The following RBM12B variants were observed in gnomAD, a reference collection of about 807,000 sequenced individuals.
RBM12B encodes RNA-binding protein 12B.
A neutral mutation model predicts 34.3 loss-of-function variants in RBM12B; 10 were observed. The ratio of observed to expected loss-of-function variants is 0.29; its 90% CI spans 0.18 to 0.49. The LOEUF (loss-of-function observed/expected upper bound fraction) is 0.49, where lower values mean the gene tolerates loss of function less well. Ranked by LOEUF, RBM12B falls within the 20% of genes least tolerant of loss-of-function variation. The pLI is 0.99. For missense variants in RBM12B, 1,139 were observed against 1,262.7 expected (o/e 0.90, Z 1.48); for synonymous variants, 477 against 437.1 (o/e 1.09, Z -1.14).
rs542494476 is a variant in RBM12B, at chr8:93,734,018, G to A, written c.2393C>T (p.Ser798Phe). The change falls in exon 4 of 4, where the codon TCC (serine) becomes TTC (phenylalanine). Residue 798 changes from serine (S) to phenylalanine (F), a missense_variant. Coordinates refer to ENST00000520560, the MANE Select transcript of RBM12B (RefSeq NM_001377960.1). ...TGGGTGCCTGAAATCTTCCTCTCGG[G>A]AGCGCCTGAAATGCTCCTGAGGCGG... is the stretch of plus-strand genomic sequence containing the variant. ...RRPPQEHFRR[S>F]REEDFRHPPD... The A allele has an allele frequency of 6.2e-6, 10 of 1,607,944 alleles. No individual in the cohort carries two copies. The South Asian group carries it at 8.8e-5, about 14-fold the overall frequency.
chr8:93,736,541 T>A, intron 3 of RBM12B, 103 bp from the exon 4 acceptor site: 1 of 886,702 alleles, frequency 1.1e-6, no homozygotes, highest in Middle Eastern at 2.4e-4. Context: ...TCAACATTTA[T>A]AAATGAAAAC....
Position 93,734,863 on chromosome 8 carries a change from T to G in RBM12B, c.1548A>C (p.Pro516=). The change falls in exon 4 of 4, where the codon CCA becomes CCC. Residue 516 remains proline (P), a synonymous_variant. Coordinates refer to ENST00000520560, the MANE Select transcript of RBM12B (RefSeq NM_001377960.1). ...CAAAAGCACCAACTGAGTATATTGGTGGGTCTTTTGAGTCAAATAAATGGG... is the reference window on the plus strand; with the variant it reads ...CAAAAGCACCAACTGAGTATATTGGGGGGTCTTTTGAGTCAAATAAATGGG... The part of the protein sequence containing the change: ...DHSHLFDSKD[P]PIYSVGAFEN... 6.2e-7 allele frequency: 1 copy of G among 1,614,110 alleles called. No individual in the cohort carries two copies. Among genetic ancestry groups the G allele is most frequent in the Non-Finnish European group, 8.5e-7 (1 of 1,180,006 alleles).
chr8:93,734,906 C>T lies in RBM12B; in HGVS notation c.1505G>A (p.Arg502His), dbSNP rs773688979. Residue 502 changes from arginine (R) to histidine (H), a missense_variant, in exon 4 of 4, where the codon CGT becomes CAT. Arg to His is a conservative substitution (Grantham distance 29, BLOSUM62 0). Transcript: ENST00000520560. ...SEKMQARSQS[R>H]ERGDHSHLFD... ...TAAATGGGAATGGTCACCTCGCTCA[C>T]GTGACTGTGAGCGAGCTTGCATTTT... 25 of 1,613,924 alleles carry T rather than the reference C, an allele frequency of 1.5e-5. No individual in the cohort carries two copies. Among genetic ancestry groups the T allele is most frequent in the Admixed American group, 3.3e-5 (2 of 59,994 alleles).
At position 93,729,221 on chromosome 8, in the gene RBM12B, CAG is replaced by C. The variant is rs1811688840; in HGVS notation, c.*4182_*4183del. ...AATTAGAAAATGCAATTATTCATAA[CAG>C]AAAAATAAAGACTTTCTAGAAAGCT... On this transcript the variant is annotated 3_prime_UTR_variant, in exon 4 of 4. Transcript: ENST00000520560. 1 of 152,118 alleles carries C rather than the reference CAG, an allele frequency of 6.6e-6. No individual in the cohort carries two copies. Among genetic ancestry groups the C allele is most frequent in the East Asian group, 1.9e-4 (1 of 5,188 alleles). The allele number at this position is 152,118 out of a possible 1,614,324, so 9.4% of individuals were successfully genotyped here. A position where few individuals can be genotyped will look rare whatever the true frequency, so the allele number is the denominator to read the frequency against.
rs200436794 is a variant in RBM12B at position 93,735,238 on chromosome 8, A to T, written c.1173T>A (p.Ser391=). The change falls in exon 4 of 4, where the codon TCT becomes TCA. Residue 391 remains serine, a synonymous_variant. Coordinates refer to ENST00000520560, the MANE Select transcript of RBM12B (RefSeq NM_001377960.1). ...GTTTCTGGCCAGAGTTACCTTCTTG[A>T]GAGTATTTTTGTGAAACATGTCCGG... ...DRPGHVSQKY[S]QEGNSGQKLC... 1.9e-5 allele frequency: 30 copies of T among 1,614,046 alleles called. No homozygotes were observed. Among genetic ancestry groups the T allele is most frequent in the Admixed American group, 6.7e-5 (4 of 60,014 alleles).
In RBM12B at chr8:93,734,403, G is replaced by A. The variant is rs768982647; in HGVS notation, c.2008C>T (p.Pro670Ser). ...GGCCGTCTCCAGTCCTCCTCAGGTG[G>A]CCGCCTGAAATCTTCCTCTGGGAGC... Reference protein sequence around the residue: ...RWLPEEDFRRPPEEDWRRPPE... With the variant: ...RWLPEEDFRRSPEEDWRRPPE... The change falls in exon 4 of 4, where the codon CCA (proline) becomes TCA (serine). Residue 670 changes from proline to serine, a missense_variant. By Grantham distance (74) the Pro-to-Ser change is moderately conservative. Transcript: ENST00000520560. 1 of 1,613,252 alleles carries A rather than the reference G, an allele frequency of 6.2e-7. No homozygotes were observed. Among genetic ancestry groups the A allele is most frequent in the South Asian group, 1.1e-5 (1 of 91,028 alleles).
rs1586312774 is a variant in RBM12B, at chr8:93,735,718, T to C, written c.693A>G (p.Gln231=). Residue 231 remains glutamine (Q), a synonymous_variant, in exon 4 of 4, where the codon CAA becomes CAG. Coordinates refer to ENST00000520560, the MANE Select transcript of RBM12B (RefSeq NM_001377960.1). ...CATTACCACCAAACTCAATCCACTG[T>C]TGTTCTGATCCTTGCATTACTTCTA... ...RFIEVMQGSE[Q]QWIEFGGNAV... is the part of the protein sequence containing the mutation. The C allele has an allele frequency of 6.2e-7, 1 of 1,614,192 alleles. No homozygotes were observed. The highest frequency in any genetic ancestry group is 1.1e-5 in the South Asian group (1 of 91,080).
chr8:93,739,447 T>A (rs1176551897), intron 2 of RBM12B, among the ~76,000 whole-genome samples: 1 of 152,228 alleles, frequency 6.6e-6, no homozygotes, highest in Non-Finnish European at 1.5e-5. Context: ...ACAAAACTAA[T>A]GCTTAAACTT....
chr8:93,739,728 A>T (rs1473531071), intron 2 of RBM12B, among the ~76,000 whole-genome samples: 1 of 152,224 alleles, frequency 6.6e-6, no homozygotes, highest in Non-Finnish European at 1.5e-5. Context: ...CTTTGTGTTC[A>T]TTTGAAGACA....
In RBM12B at chr8:93,734,218, G is replaced by T. The variant is rs1239669406; in HGVS notation, c.2193C>A (p.Phe731Leu). The T allele has an allele frequency of 6.3e-7, 1 of 1,597,518 alleles. No homozygotes were observed. Among genetic ancestry groups the T allele is most frequent in the Non-Finnish European group, 8.5e-7 (1 of 1,170,744 alleles). ...GGAAATGCTCTGGGGGTGGCCGACG[G>T]AAATGCTCCTGAGGTGGCCTCCGGA... is the stretch of plus-strand genomic sequence containing the variant. ...EHFRRPPQEH[F>L]RRPPPEHFRR... The change falls in exon 4 of 4, where the codon TTC becomes TTA. Residue 731 changes from phenylalanine (F) to leucine (L), a missense_variant. Coordinates refer to ENST00000520560, the MANE Select transcript of RBM12B (RefSeq NM_001377960.1).
At position 93,732,297 on chromosome 8, in the gene RBM12B, ATAT is replaced by A. The variant is rs1482068095; in HGVS notation, c.*1105_*1107del. 6 of 152,362 alleles carry A rather than the reference ATAT, an allele frequency of 3.9e-5. No homozygotes were observed. In the East Asian group the frequency reaches 5.8e-4, roughly 15 times the overall value. 9.4% of individuals were successfully genotyped at this position (152,362 alleles called of 1,614,324 possible). A position where few individuals can be genotyped will look rare whatever the true frequency, so the allele number is the denominator to read the frequency against. ...AGTGCCTAATAAATGTTAGCCATAA[ATAT>A]TATTGTGGGTATAGAAAATCAAATT... is the stretch of plus-strand genomic sequence containing the variant. On this transcript the variant is annotated 3_prime_UTR_variant, in exon 4 of 4. Coordinates refer to ENST00000520560, the MANE Select transcript of RBM12B (RefSeq NM_001377960.1).
Position 93,733,586 on chromosome 8 carries a change from A to G in RBM12B, c.2825T>C (p.Leu942Ser), listed in dbSNP as rs1811866102. ...GATTCTGTAACCATGGAAAAAGTCT[A>G]AAATTTCATTCACATTAGCTTTAAA... ...LPFKANVNEI[L>S]DFFHGYRIIP... is the part of the protein sequence containing the mutation. Residue 942 changes from leucine to serine, a missense_variant, in exon 4 of 4, where the codon TTA becomes TCA. Leu to Ser is a moderately radical substitution (Grantham distance 145). This residue lies in a region of RBM12B where 60 missense variants were observed against 101.0 expected (regional missense o/e 0.59). Coordinates refer to ENST00000520560, the MANE Select transcript of RBM12B (RefSeq NM_001377960.1). 1 of 1,613,466 alleles carries G rather than the reference A, an allele frequency of 6.2e-7. No homozygotes were observed. Among genetic ancestry groups the G allele is most frequent in the Non-Finnish European group, 8.5e-7 (1 of 1,179,602 alleles).
chr8:93,736,165 A>G lies in RBM12B; in HGVS notation c.246T>C (p.Thr82=), dbSNP rs1812015445. 3 of 1,614,204 alleles carry G rather than the reference A, an allele frequency of 1.9e-6. No individual in the cohort carries two copies. The highest frequency in any genetic ancestry group is 2.5e-6 in the Non-Finnish European group (3 of 1,180,034). The part of the protein sequence containing the change: ...FLSSKAEMQK[T]IEMKRTDRVG... Reference sequence around the variant, plus strand: ...CACGATCAGTTCTTTTCATTTCTATAGTCTTCTGCATTTCTGCCTTGCTAC... The same window carrying G: ...CACGATCAGTTCTTTTCATTTCTATGGTCTTCTGCATTTCTGCCTTGCTAC... The change falls in exon 4 of 4, where the codon ACT becomes ACC. Residue 82 remains threonine (T), a synonymous_variant. Coordinates refer to ENST00000520560, the MANE Select transcript of RBM12B (RefSeq NM_001377960.1).
rs765654870 is a variant in RBM12B, at chr8:93,736,059, T to C, written c.352A>G (p.Ser118Gly). The C allele has an allele frequency of 1.6e-5, 26 of 1,614,106 alleles. No homozygotes were observed. Among genetic ancestry groups the C allele is most frequent in the Non-Finnish European group, 2.1e-5 (25 of 1,180,050 alleles). Residue 118 changes from serine to glycine, a missense_variant, in exon 4 of 4, where the codon AGT (serine) becomes GGT (glycine). By Grantham distance (56) the Ser-to-Gly change is moderately conservative (BLOSUM62 0). This residue lies in a region of RBM12B where 216 missense variants were observed against 292.2 expected (regional missense o/e 0.74). Transcript: ENST00000520560. ...ATTGAAGAGCCATATCCAGAATTAC[T>C]TGCTTCTTCCTTAACAGACTCAATA... ...NFIESVKEEA[S>G]NSGYGSSINQ...
chr8:93,733,533 T>C lies in RBM12B; in HGVS notation c.2878A>G (p.Asn960Asp), dbSNP rs754758718. Residue 960 changes from asparagine (N) to aspartate (D), a missense_variant, in exon 4 of 4, where the codon AAT (asparagine) becomes GAT (aspartate). By Grantham distance (23) the Asn-to-Asp change is conservative (BLOSUM62 1). Coordinates refer to ENST00000520560, the MANE Select transcript of RBM12B (RefSeq NM_001377960.1). ...IIPDSVSIQY[N>D]EQGLPTGEAI... ...TCCCCTGTAGGTAAGCCTTGCTCAT[T>C]ATACTGTATCGAAACTGAATCAGGT... 11 of 1,613,560 alleles carry C rather than the reference T, an allele frequency of 6.8e-6. No homozygotes were observed. Among genetic ancestry groups the C allele is most frequent in the Middle Eastern group, 1.7e-4 (1 of 6,052 alleles).
rs957120307 is a variant in RBM12B at position 93,732,860 on chromosome 8, A to G, written c.*545T>C. 6.6e-6 allele frequency: 1 copy of G among 152,228 alleles called. No individual in the cohort carries two copies. Among genetic ancestry groups the G allele is most frequent in the Non-Finnish European group, 1.5e-5 (1 of 68,032 alleles). 9.4% of individuals were successfully genotyped at this position (152,228 alleles called of 1,614,324 possible). ...CCTAAGAATCACCTAAGCTTTTTAC[A>G]TAAGTAAATTTCAAGTTGACAGTCT... On this transcript the variant is annotated 3_prime_UTR_variant, in exon 4 of 4. Transcript: ENST00000520560.
chr8:93,736,922 C>G (rs76350453), intron 3 of RBM12B, among the ~76,000 whole-genome samples: 3,140 of 152,330 alleles, frequency 0.021, 99 homozygotes, highest in African/African-American at 0.071. Context: ...AGAACAAAAG[C>G]CAGGGCCAGC....
rs772387425 is a variant in RBM12B, at chr8:93,729,359, A to G, written c.*4046T>C. On this transcript the variant is annotated 3_prime_UTR_variant, in exon 4 of 4. Coordinates refer to ENST00000520560, the MANE Select transcript of RBM12B (RefSeq NM_001377960.1). ...TTTTGTAAAATATTTAAAACATTTT[A>G]AAACCCTAAATTGATATTCTTAAGA... The G allele has an allele frequency of 1.8e-4, 27 of 152,168 alleles. No individual in the cohort carries two copies. The highest frequency in any genetic ancestry group is 3.9e-4 in the Admixed American group (6 of 15,272). The allele number at this position is 152,168 out of a possible 1,614,324, so 9.4% of individuals were successfully genotyped here.
intron 2 of RBM12B, chr8:93,739,124 C>G (rs1282131256): frequency 1.3e-5 from 2 of 152,140 alleles, no homozygotes; most frequent in Non-Finnish European, 2.9e-5. Flanking sequence ...CCCAAGACTC[C>G]CTCCTATGCA....
Sources: allele counts gnomAD v4.1 joint callset (sites outside exome capture counted in the v4.1 genomes callset), GRCh38; gene constraint gnomAD v4.1.1; regional missense constraint gnomAD v4.1.1; transcripts MANE v1.5; gene names NCBI Gene and HGNC (gene_info 2026-07-23, HGNC 2026-07-21).